The following NKAPD1 variants were observed in gnomAD, a reference collection of about 807,000 sequenced individuals.
NKAPD1 encodes uncharacterized protein NKAPD1.
A neutral mutation model predicts 30.9 loss-of-function variants in NKAPD1; 12 were observed. The ratio of observed to expected loss-of-function variants is 0.39; its 90% confidence interval spans 0.25 to 0.63. The LOEUF is 0.63. Ranked by LOEUF, NKAPD1 falls within the 20% of genes least tolerant of loss-of-function variation. NKAPD1 has a pLI of 0.51. For synonymous variants in NKAPD1, 91 were observed against 113.6 expected (o/e 0.80, Z 1.26); for missense variants, 311 against 344.5 (o/e 0.90, Z 0.77).
chr11:112,078,376 G>C lies in NKAPD1; in HGVS notation c.170+61G>C. ...ATCTTTTTCAGAATCATCAACTTTTGTTTAAAAATACTTTGGTATATTAAG... is the reference window on the plus strand; with the variant it reads ...ATCTTTTTCAGAATCATCAACTTTTCTTTAAAAATACTTTGGTATATTAAG... On this transcript the variant is annotated intron_variant, in intron 3 of 5. Coordinates refer to ENST00000393047, the MANE Select transcript of NKAPD1 (RefSeq NM_018195.4). 2.3e-6 allele frequency: 3 copies of C among 1,331,280 alleles called. No homozygotes were observed. In the South Asian group the frequency reaches 3.8e-5, roughly 17 times the overall value. 82.5% of individuals were successfully genotyped at this position (1,331,280 alleles called of 1,614,324 possible).
chr11:112,081,886 T>A, intron 4 of NKAPD1, 96 bp from the exon 5 acceptor site: 5 of 916,878 alleles, frequency 5.5e-6, no homozygotes, highest in Non-Finnish European at 8.9e-6. Context: ...TGTTTATGTT[T>A]GTGTATGCAT....
chr11:112,078,759 C>T lies in NKAPD1; in HGVS notation c.170+444C>T, dbSNP rs75773041. 3.3e-3 allele frequency among the ~76,000 whole-genome samples: 496 copies of T among 152,158 alleles called. 18 individuals carry two copies. The East Asian group carries it at 0.072, about 22-fold the overall frequency. ...GTAGAGGTGGTGTCTTGCTGTGTTC[C>T]CCAGGCTGGTATAGAATCCTGGGCT... is the stretch of plus-strand genomic sequence containing the variant. On this transcript the variant is annotated intron_variant, in intron 3 of 5. Coordinates refer to ENST00000393047, the MANE Select transcript of NKAPD1 (RefSeq NM_018195.4).
At position 112,083,476 on chromosome 11, in the gene NKAPD1, T is replaced by G. The variant is rs1865508568; in HGVS notation, c.*504T>G. 6.5e-6 allele frequency: 1 copy of G among 153,058 alleles called. No homozygotes were observed. Among genetic ancestry groups the G allele is most frequent in the Non-Finnish European group, 1.5e-5 (1 of 68,366 alleles). The allele number at this position is 153,058 out of a possible 1,614,324, so 9.5% of individuals were successfully genotyped here. A position where few individuals can be genotyped will look rare whatever the true frequency, so the allele number is the denominator to read the frequency against. On this transcript the variant is annotated 3_prime_UTR_variant, in exon 6 of 6. Coordinates refer to ENST00000393047, the MANE Select transcript of NKAPD1 (RefSeq NM_018195.4). ...CTTCTATATTTTGACCCCACAGGTG[T>G]GGTCCGGTTTACTTAATCAGGACAT...
chr11:112,082,421 T>G, intron 5 of NKAPD1, 44 bp from the exon 6 acceptor site: 1 of 1,419,940 alleles, frequency 7.0e-7, no homozygotes. Flanking sequence ...ATAATACGCT[T>G]TTTTTTTACA....
chr11:112,075,681 G>A, intron 2 of NKAPD1, 38 bp downstream of exon 2: 1 of 1,591,994 alleles, frequency 6.3e-7, no homozygotes, highest in Non-Finnish European at 8.5e-7. Flanking sequence ...AACGCTTACT[G>A]AAGGCAAGCA....
chr11:112,084,638 G>A lies in NKAPD1; in HGVS notation c.*1666G>A, dbSNP rs768988568. 1.3e-5 allele frequency: 2 copies of A among 152,460 alleles called. No individual in the cohort carries two copies. The highest frequency in any genetic ancestry group is 2.9e-5 in the Non-Finnish European group (2 of 68,028). The allele number at this position is 152,460 out of a possible 1,614,324, so 9.4% of individuals were successfully genotyped here. A position where few individuals can be genotyped will look rare whatever the true frequency, so the allele number is the denominator to read the frequency against. Reference sequence around the variant, plus strand: ...GGCCATATATTTTTTAGCATGCATTGTTTCTGTGCCCTGAAAGTACCTGAA... The same window carrying A: ...GGCCATATATTTTTTAGCATGCATTATTTCTGTGCCCTGAAAGTACCTGAA... On this transcript the variant is annotated 3_prime_UTR_variant, in exon 6 of 6. Transcript: ENST00000393047.
intron 1 of NKAPD1, 138 bp from the exon 2 acceptor site, chr11:112,075,429 G>A (rs1313516566): frequency 6.3e-6 from 4 of 639,162 alleles, no homozygotes; most frequent in Non-Finnish European, 1.1e-5. Flanking sequence ...AATGGTAAAG[G>A]GAAAACTATT....
chr11:112,083,393 T>G lies in NKAPD1; in HGVS notation c.*421T>G, dbSNP rs1865504610. ...GTATGACAAGGCAACACTGTATTGC[T>G]CTCTGTTTATATAGCAGGTGTCACA... is the stretch of plus-strand genomic sequence containing the variant. On this transcript the variant is annotated 3_prime_UTR_variant, in exon 6 of 6. Transcript: ENST00000393047. 6.4e-6 allele frequency: 1 copy of G among 155,674 alleles called. No individual in the cohort carries two copies. The highest frequency in any genetic ancestry group is 1.9e-4 in the East Asian group (1 of 5,284). 9.6% of individuals were successfully genotyped at this position (155,674 alleles called of 1,614,324 possible). A position where few individuals can be genotyped will look rare whatever the true frequency, so the allele number is the denominator to read the frequency against.
Position 112,075,541 on chromosome 11 carries a change from A to G in NKAPD1, c.-8-26A>G, listed in dbSNP as rs756804166. ...TAAAGTAATAACAGAAATTATTACT[A>G]AACGTTATTTGTTGATTCATTTCAG... On this transcript the variant is annotated intron_variant, in intron 1 of 5. Transcript: ENST00000393047. The G allele has an allele frequency of 2.0e-6, 3 of 1,521,136 alleles. No homozygotes were observed. In the African/African-American group the frequency reaches 4.1e-5, roughly 21 times the overall value. 94.2% of individuals were successfully genotyped at this position (1,521,136 alleles called of 1,614,324 possible).
Position 112,082,752 on chromosome 11 carries a change from T to C in NKAPD1, c.662T>C (p.Phe221Ser), listed in dbSNP as rs746043891. The C allele has an allele frequency of 1.2e-6, 2 of 1,613,912 alleles. No individual in the cohort carries two copies. Among genetic ancestry groups the C allele is most frequent in the South Asian group, 2.2e-5 (2 of 91,028 alleles). ...AAGTCTCTCAAAAAACCTGCTTTAT[T>C]CTTAGAGGCAGAAAGTAACACTTCA... ...RKKSLKKPAL[F>S]LEAESNTSHS... The change falls in exon 6 of 6, where the codon TTC becomes TCC. Residue 221 changes from phenylalanine to serine, a missense_variant. Phe to Ser is a radical substitution (Grantham distance 155). Transcript: ENST00000393047.
rs77521375 is a variant in NKAPD1, at chr11:112,083,058, C to T, written c.*86C>T. Reference sequence around the variant, plus strand: ...TTTTGCCAGTGACTCTTGTTCAGCACGGGGCCTGAGGTCAGAGCTGTCTTG... The same window carrying T: ...TTTTGCCAGTGACTCTTGTTCAGCATGGGGCCTGAGGTCAGAGCTGTCTTG... On this transcript the variant is annotated 3_prime_UTR_variant, in exon 6 of 6. Coordinates refer to ENST00000393047, the MANE Select transcript of NKAPD1 (RefSeq NM_018195.4). The T allele has an allele frequency of 5.5e-4, 781 of 1,431,378 alleles. 2 individuals carry two copies. The Admixed American group carries it at 8.5e-3, about 16-fold the overall frequency. The allele number at this position is 1,431,378 out of a possible 1,614,324, so 88.7% of individuals were successfully genotyped here.
chr11:112,080,274 T>TC (rs1243534407), intron 3 of NKAPD1, 135 bp from the exon 4 acceptor site: 18 of 853,714 alleles, frequency 2.1e-5, no homozygotes. Flanking sequence ...TTTGCCTTTT[T>TC]TTTTTTTTTT....
chr11:112,075,942 T>C (rs956124196), intron 2 of NKAPD1, among the ~76,000 whole-genome samples: 2 of 152,244 alleles, frequency 1.3e-5, no homozygotes, highest in Non-Finnish European at 2.9e-5. Flanking sequence ...GCTGCTGATC[T>C]TTGAACTGGT....
rs577670821 is a variant in NKAPD1, at chr11:112,083,145, T to C, written c.*173T>C. 1.7e-6 allele frequency: 1 copy of C among 593,186 alleles called. No individual in the cohort carries two copies. Among genetic ancestry groups the C allele is most frequent in the African/African-American group, 1.9e-5 (1 of 53,680 alleles). The allele number at this position is 593,186 out of a possible 1,614,324, so 36.7% of individuals were successfully genotyped here. A position where few individuals can be genotyped will look rare whatever the true frequency, so the allele number is the denominator to read the frequency against. Reference sequence around the variant, plus strand: ...ATTTTGGCGTTAAGCTTGATCCCCTTTTCTTGTTAAAAGGGAATCTGGTAT... The same window carrying C: ...ATTTTGGCGTTAAGCTTGATCCCCTCTTCTTGTTAAAAGGGAATCTGGTAT... On this transcript the variant is annotated 3_prime_UTR_variant, in exon 6 of 6. Coordinates refer to ENST00000393047, the MANE Select transcript of NKAPD1 (RefSeq NM_018195.4).
chr11:112,075,739 C>CT, intron 2 of NKAPD1, 96 bp downstream of exon 2: 3 of 1,308,446 alleles, frequency 2.3e-6, no homozygotes, highest in South Asian at 1.4e-5. Flanking sequence ...AAAGAATATT[C>CT]TTGTCATCTA....
intron 3 of NKAPD1, among the ~76,000 whole-genome samples, chr11:112,078,833 A>T (rs1865384840): frequency 6.6e-6 from 1 of 152,124 alleles, no homozygotes. Context: ...TATAAGCATG[A>T]GCCACTTGCC....
Position 112,085,106 on chromosome 11 carries a change from A to G in NKAPD1, c.*2134A>G, listed in dbSNP as rs971576711. The G allele has an allele frequency of 1.3e-5, 6 of 466,692 alleles. No individual in the cohort carries two copies. The highest frequency in any genetic ancestry group is 1.5e-5 in the Non-Finnish European group (4 of 265,020). The allele number at this position is 466,692 out of a possible 1,614,324, so 28.9% of individuals were successfully genotyped here. On this transcript the variant is annotated 3_prime_UTR_variant, in exon 6 of 6. Transcript: ENST00000393047. ...CTTATTGAGTAACTGATGTCATACA[A>G]CCTGGAATTTCTGAATTCCAAATAA...
At chr11:112,080,647 A>G (rs553255124) in intron 4 of NKAPD1, 89 bp downstream of exon 4, 217 of 1,448,168 alleles carry the variant, frequency 1.5e-4, no homozygotes, top group Middle Eastern at 8.6e-4. Flanking sequence ...ACTTGTGTAC[A>G]AAAGTTCATA....
chr11:112,082,046 T>C lies in NKAPD1; in HGVS notation c.374+11T>C, dbSNP rs767955970. 28 of 1,602,324 alleles carry C rather than the reference T, an allele frequency of 1.7e-5. No individual in the cohort carries two copies. The highest frequency in any genetic ancestry group is 4.0e-5 in the African/African-American group (3 of 74,626). On this transcript the variant is annotated intron_variant, in intron 5 of 5. Coordinates refer to ENST00000393047, the MANE Select transcript of NKAPD1 (RefSeq NM_018195.4). ...ATTTGAAACAGACAGGTAAGGAAAA[T>C]AGGCTTACTGAAAGAAACTAAGATG...
Sources: allele counts gnomAD v4.1 joint callset (sites outside exome capture counted in the v4.1 genomes callset), GRCh38; gene constraint gnomAD v4.1.1; transcripts MANE v1.5; gene names NCBI Gene and HGNC (gene_info 2026-07-23, HGNC 2026-07-21).